RGS12: variants seen among roughly 807,000 people sequenced by gnomAD.
RGS12 encodes regulator of G protein signaling 12.
In RGS12, 66 loss-of-function variants were observed where a neutral mutation model predicts 120.1. The observed-to-expected ratio is 0.55, with a 90% CI of 0.45 to 0.67. The LOEUF (loss-of-function observed/expected upper bound fraction) is 0.67. RGS12 is among the 30% of genes least tolerant of loss of function. The probability of loss-of-function intolerance (pLI) is 0.00; values close to 1 mark genes in which losing one functional copy is unlikely to be tolerated. For missense variants in RGS12, 1,859 were observed against 1,957.7 expected (o/e 0.95, Z 0.95); for synonymous variants, 827 against 804.7 (o/e 1.03, Z -0.47).
intron 4 of RGS12, among the ~76,000 whole-genome samples, chr4:3,397,628 G>A (rs544763251): frequency 4.5e-4 from 69 of 152,316 alleles, no homozygotes; most frequent in African/African-American, 1.5e-3. Flanking sequence ...GGAGCAGATA[G>A]GGGGGTGATA....
chr4:3,315,113 A>G (rs2110398597), intron 1 of RGS12, among the ~76,000 whole-genome samples: 1 of 152,282 alleles, frequency 6.6e-6, no homozygotes, highest in South Asian at 2.1e-4. Context: ...CTCACTGTGT[A>G]GGGAGTTAAG....
chr4:3,332,181 G>A (rs976463561), intron 2 of RGS12, among the ~76,000 whole-genome samples: 1 of 152,202 alleles, frequency 6.6e-6, no homozygotes, highest in South Asian at 2.1e-4. Flanking sequence ...TGTTCTATGG[G>A]GTTTCCAGGA....
chr4:3,343,207 A>T, intron 3 of RGS12, 154 bp downstream of exon 3: 1 of 601,926 alleles, frequency 1.7e-6, no homozygotes, highest in South Asian at 2.0e-5. Context: ...ACAGCGTCCC[A>T]TGCACATTTG....
intron 6 of RGS12, among the ~76,000 whole-genome samples, chr4:3,415,333 T>G (rs961316874): frequency 7.9e-5 from 12 of 152,232 alleles, no homozygotes; most frequent in Admixed American, 2.6e-4. Flanking sequence ...CAGAATAAAT[T>G]TTTAAATATA....
At chr4:3,379,202 C>G (rs193277567) in intron 3 of RGS12, among the ~76,000 whole-genome samples, 1 of 152,200 alleles carries the variant, frequency 6.6e-6, no homozygotes, top group East Asian at 1.9e-4. Flanking sequence ...CTTACCAGTG[C>G]CTGGCGGTAG....
At chr4:3,321,825 C>G (rs542224939) in intron 2 of RGS12, among the ~76,000 whole-genome samples, 2 of 152,226 alleles carry the variant, frequency 1.3e-5, no homozygotes, top group African/African-American at 2.4e-5. Flanking sequence ...AGCCCTAGAA[C>G]AATCTTCAGC....
intron 2 of RGS12, among the ~76,000 whole-genome samples, chr4:3,321,702 C>T (rs1040484987): frequency 2.6e-5 from 4 of 152,206 alleles, no homozygotes; most frequent in Non-Finnish European, 5.9e-5. Flanking sequence ...TGGACAGCCA[C>T]GTCAGCTCCT....
chr4:3,415,535 G>A (rs1479602583), intron 6 of RGS12, among the ~76,000 whole-genome samples: 1 of 152,198 alleles, frequency 6.6e-6, no homozygotes, highest in Non-Finnish European at 1.5e-5. Flanking sequence ...CCTCGTGGGA[G>A]GTGCAGGAGA....
At chr4:3,339,115 G>A (rs774021262) in intron 2 of RGS12, among the ~76,000 whole-genome samples, 25 of 152,240 alleles carry the variant, frequency 1.6e-4, no homozygotes, top group Admixed American at 1.2e-3. Context: ...GTGGGCAGGC[G>A]TCAGACATCC....
chr4:3,286,729 A>C, the RGS12 span, among the ~76,000 whole-genome samples: 2 of 152,202 alleles, frequency 1.3e-5, no homozygotes, highest in Non-Finnish European at 2.9e-5. Context: ...GGAAAGGCTC[A>C]GCGGGAACGT....
Position 3,401,909 on chromosome 4 carries a change from C to A in RGS12, c.2021-12163C>A, listed in dbSNP as rs1056560359. On this transcript the variant is annotated intron_variant, in intron 4 of 17. Coordinates refer to ENST00000336727, the MANE Select transcript of RGS12 (RefSeq NM_001394154.1). Reference sequence around the variant, plus strand: ...CCTGCCTTAGCCTCGTCTCTTGCTGCGTAAAAGTCCAGGGCTTTGCAGAGC... The same window carrying A: ...CCTGCCTTAGCCTCGTCTCTTGCTGAGTAAAAGTCCAGGGCTTTGCAGAGC... Among the ~76,000 whole-genome samples, 13 of 152,358 alleles carry A rather than the reference C, an allele frequency of 8.5e-5. No homozygotes were observed. In the East Asian group the frequency reaches 2.5e-3, roughly 29 times the overall value.
chr4:3,312,945 G>A (rs1232588269), intron 1 of RGS12: 2 of 153,236 alleles, frequency 1.3e-5, no homozygotes, highest in African/African-American at 2.4e-5. Flanking sequence ...AGCCGAGTAT[G>A]GGGGTGTGCT....
intron 2 of RGS12, among the ~76,000 whole-genome samples, chr4:3,341,432 GTA>G (rs1239076653): frequency 4.5e-4 from 1 of 2,242 alleles, no homozygotes; most frequent in Non-Finnish European, 1.1e-3. Context: ...AGAGATGGGG[GTA>G]TGTGGGGAGG....
rs774861262 is a variant in RGS12 at position 3,416,005 on chromosome 4, A to G, written c.2311A>G (p.Ser771Gly). 1.9e-5 allele frequency: 30 copies of G among 1,612,698 alleles called. No individual in the cohort carries two copies. The South Asian group carries it at 3.3e-4, about 18-fold the overall frequency. Reference protein sequence around the residue: ...ELSYRAREIFSKFLCSKATTP... With the variant: ...ELSYRAREIFGKFLCSKATTP... Reference sequence around the variant, plus strand: ...TTCCTACAGGGCCCGGGAGATTTTCAGTAAGTTTCTCTGCAGCAAAGCCAC... The same window carrying G: ...TTCCTACAGGGCCCGGGAGATTTTCGGTAAGTTTCTCTGCAGCAAAGCCAC... Residue 771 changes from serine to glycine, a missense_variant, in exon 7 of 18, where the codon AGT becomes GGT. Ser to Gly is a moderately conservative substitution (Grantham distance 56). Coordinates refer to ENST00000336727, the MANE Select transcript of RGS12 (RefSeq NM_001394154.1).
At chr4:3,299,642 G>A (rs186025431) in intron 1 of RGS12, among the ~76,000 whole-genome samples, 7 of 152,306 alleles carry the variant, frequency 4.6e-5, no homozygotes, top group African/African-American at 9.6e-5. Flanking sequence ...CTCATAGAGC[G>A]TTCAAGTGAT....
At chr4:3,313,190 A>G (rs1724516502) in intron 1 of RGS12, 1 of 152,266 alleles carries the variant, frequency 6.6e-6, no homozygotes, top group African/African-American at 2.4e-5. Context: ...CATAGAAGAC[A>G]TTGTCCATCA....
At position 3,420,669 on chromosome 4, in the gene RGS12, G is replaced by A. The variant is rs766354702; in HGVS notation, c.2789G>A (p.Cys930Tyr). 4 of 1,613,340 alleles carry A rather than the reference G, an allele frequency of 2.5e-6. No homozygotes were observed. In the African/African-American group the frequency reaches 5.3e-5, roughly 22 times the overall value. ...DDALHANGGL[C>Y]RRESQGSVSS... ...GCCCTGCATGCCAATGGAGGCCTGT[G>A]TCGCCGAGAGTCGCAGGGCTCTGTG... The change falls in exon 10 of 18, where the codon TGT becomes TAT. Residue 930 changes from cysteine to tyrosine, a missense_variant. Coordinates refer to ENST00000336727, the MANE Select transcript of RGS12 (RefSeq NM_001394154.1).
At chr4:3,299,471 A>T (rs530305682) in intron 1 of RGS12, among the ~76,000 whole-genome samples, 54 of 152,044 alleles carry the variant, frequency 3.6e-4, no homozygotes, top group Admixed American at 4.6e-4. Context: ...CCTGCTTTTC[A>T]TAGCTCTCCA....
chr4:3,386,665 G>C (rs1718887567), intron 4 of RGS12, among the ~76,000 whole-genome samples: 1 of 152,118 alleles, frequency 6.6e-6, no homozygotes, highest in Admixed American at 6.5e-5. Flanking sequence ...CCATGGCCCT[G>C]AACACCAGTG....
Sources: allele counts gnomAD v4.1 joint callset (sites outside exome capture counted in the v4.1 genomes callset), GRCh38; gene constraint gnomAD v4.1.1; transcripts MANE v1.5; gene names NCBI Gene and HGNC (gene_info 2026-07-23, HGNC 2026-07-21).